Variants in MBIP observed in about 807,000 individuals in gnomAD.
MBIP encodes MAP3K12-binding inhibitory protein 1.
Under a neutral mutation model 45.7 loss-of-function variants are expected in MBIP, and 32 were observed. That is an observed-to-expected ratio of 0.70 (90% CI 0.53 to 0.94). The LOEUF is 0.94. MBIP is among the 40% of genes least tolerant of loss of function. The pLI, the probability that MBIP is intolerant of heterozygous loss-of-function variation, is 0.00. For synonymous variants in MBIP, 145 were observed against 141.0 expected (o/e 1.03, Z -0.20); for missense variants, 381 against 405.5 (o/e 0.94, Z 0.52).
At chr14:36,315,291 T>C (rs1408897426) in intron 2 of MBIP, among the ~76,000 whole-genome samples, 5 of 152,116 alleles carry the variant, frequency 3.3e-5, no homozygotes, top group Non-Finnish European at 5.9e-5. Context: ...TAACATGTCA[T>C]TCAAATGCCT....
intron 6 of MBIP, among the ~76,000 whole-genome samples, chr14:36,310,410 G>C (rs1231411726): frequency 6.6e-6 from 1 of 152,022 alleles, no homozygotes; most frequent in Non-Finnish European, 1.5e-5. Context: ...ATCCTTCAAG[G>C]CCTCAAATGT....
intron 8 of MBIP, 113 bp downstream of exon 8, chr14:36,300,672 A>G: frequency 1.4e-6 from 1 of 718,166 alleles, no homozygotes; most frequent in Non-Finnish European, 2.2e-6. Flanking sequence ...TTCAGTCCTA[A>G]ATTTTACCAG....
intron 1 of MBIP, among the ~76,000 whole-genome samples, chr14:36,317,721 T>C (rs1003774230): frequency 6.6e-6 from 1 of 152,088 alleles, no homozygotes; most frequent in Non-Finnish European, 1.5e-5. Flanking sequence ...TCTAGGGACA[T>C]GTGTTTACAG....
At chr14:36,310,041 G>A (rs1880109622) in intron 6 of MBIP, among the ~76,000 whole-genome samples, 1 of 152,188 alleles carries the variant, frequency 6.6e-6, no homozygotes, top group Non-Finnish European at 1.5e-5. Context: ...AGTATCCCTT[G>A]TGCCTAAAAT....
chr14:36,307,499 A>T (rs1478095240), intron 7 of MBIP, among the ~76,000 whole-genome samples: 1 of 152,180 alleles, frequency 6.6e-6, no homozygotes, highest in Non-Finnish European at 1.5e-5. Flanking sequence ...CATTTTTCTG[A>T]AAAATGTTGA....
chr14:36,311,917 G>T (rs751942106), intron 5 of MBIP, 42 bp downstream of exon 5: 5 of 1,434,792 alleles, frequency 3.5e-6, no homozygotes, highest in Non-Finnish European at 3.8e-6. Flanking sequence ...TAATAATCTA[G>T]ACTTCTGTCA....
intron 7 of MBIP, among the ~76,000 whole-genome samples, chr14:36,304,610 T>C (rs1248842137): frequency 2.0e-5 from 3 of 152,224 alleles, no homozygotes; most frequent in Non-Finnish European, 4.4e-5. Flanking sequence ...TTTCCATGGC[T>C]AATGTGAAGA....
chr14:36,314,870 T>C lies in MBIP; in HGVS notation c.295A>G (p.Thr99Ala). 1 of 1,613,500 alleles carries C rather than the reference T, an allele frequency of 6.2e-7. No individual in the cohort carries two copies. The highest frequency in any genetic ancestry group is 8.5e-7 in the Non-Finnish European group (1 of 1,179,624). The change falls in exon 3 of 9, where the codon ACT becomes GCT. Residue 99 changes from threonine to alanine, a missense_variant. Coordinates refer to ENST00000416007, the MANE Select transcript of MBIP (RefSeq NM_016586.3). ...GTTCTTCCTATCTCTTCAACAGCAG[T>C]TGTATTCTCCTCTTTAATCGGAGAC... Reference protein sequence around the residue: ...LQSPIKEENTTAVEEIGRTEM... With the variant: ...LQSPIKEENTAAVEEIGRTEM...
intron 7 of MBIP, among the ~76,000 whole-genome samples, chr14:36,306,552 C>G (rs940589974): frequency 6.6e-6 from 1 of 152,108 alleles, no homozygotes; most frequent in Non-Finnish European, 1.5e-5. Context: ...GGATTACAGG[C>G]GTGAGCCACT....
chr14:36,299,312 C>T (rs1032504297), intron 8 of MBIP, 122 bp from the exon 9 acceptor site: 2 of 656,768 alleles, frequency 3.0e-6, no homozygotes, highest in Non-Finnish European at 5.3e-6. Flanking sequence ...GTTTTTTTCC[C>T]TCATGAGAAT....
At position 36,311,599 on chromosome 14, in the gene MBIP, A is replaced by G. The variant is rs1043477054; in HGVS notation, c.764T>C (p.Ile255Thr). The change falls in exon 6 of 9, where the codon ATT becomes ACT. Residue 255 changes from isoleucine (I) to threonine (T), a missense_variant. Coordinates refer to ENST00000416007, the MANE Select transcript of MBIP (RefSeq NM_016586.3). ...NQAVEERLQN[I>T]EAHLRLQTGG... ...TGTCTGTAACCGCAAGTGGGCCTCA[A>G]TATTTTGTAGTCGTTCTTCTACAGC... The G allele has an allele frequency of 1.9e-6, 3 of 1,612,590 alleles. No homozygotes were observed. Among genetic ancestry groups the G allele is most frequent in the African/African-American group, 1.3e-5 (1 of 74,844 alleles).
chr14:36,307,652 C>T (rs986384388), intron 7 of MBIP, among the ~76,000 whole-genome samples: 3 of 152,094 alleles, frequency 2.0e-5, no homozygotes, highest in Non-Finnish European at 4.4e-5. Flanking sequence ...AGAGTGGCAG[C>T]TTGAGGTGTG....
intron 7 of MBIP, 66 bp downstream of exon 7, chr14:36,308,026 T>C: frequency 1.1e-6 from 1 of 897,498 alleles, no homozygotes; most frequent in Non-Finnish European, 1.7e-6. Flanking sequence ...TGAGTGACTG[T>C]TAAACCACAA....
intron 6 of MBIP, among the ~76,000 whole-genome samples, chr14:36,309,364 A>G (rs1322211115): frequency 2.6e-5 from 4 of 152,170 alleles, no homozygotes; most frequent in Admixed American, 2.6e-4. Context: ...CCAAGAGGAC[A>G]GAGTTTTATC....
Position 36,314,577 on chromosome 14 carries a change from C to G in MBIP, c.506G>C (p.Arg169Thr). The G allele has an allele frequency of 6.2e-7, 1 of 1,611,446 alleles. No homozygotes were observed. Among genetic ancestry groups the G allele is most frequent in the Non-Finnish European group, 8.5e-7 (1 of 1,179,050 alleles). ...GTTTTCATTGATTTCAGCTTGCTTT[C>G]TTTCAATAAATGCAGATATTCGTCT... ...IDRRISAFIE[R>T]KQAEINENNV... The change falls in exon 4 of 9, where the codon AGA (arginine) becomes ACA (threonine). Residue 169 changes from arginine (R) to threonine (T), a missense_variant. Arg to Thr is a moderately conservative substitution (Grantham distance 71, BLOSUM62 -1). Transcript: ENST00000416007.
intron 8 of MBIP, among the ~76,000 whole-genome samples, chr14:36,300,286 A>C (rs1236269133): frequency 6.6e-6 from 1 of 152,206 alleles, no homozygotes; most frequent in African/African-American, 2.4e-5. Flanking sequence ...CAAGAAAAAA[A>C]TATGCTACTC....
rs758171827 is a variant in MBIP at position 36,311,998 on chromosome 14, T to C, written c.598A>G (p.Ile200Val). ...TTAAATCCGGGGTAAGGGGTAAAAA[T>C]CGCATCAGTTCTTGCACAACTATTT... ...QENSCARTDAIFTPYPGFKSH... is the reference protein window; with the variant it reads ...QENSCARTDAVFTPYPGFKSH... The change falls in exon 5 of 9, where the codon ATT becomes GTT. Residue 200 changes from isoleucine (I) to valine (V), a missense_variant. Transcript: ENST00000416007. 1.9e-6 allele frequency: 3 copies of C among 1,595,896 alleles called. No homozygotes were observed. The highest frequency in any genetic ancestry group is 3.5e-5 in the Admixed American group (2 of 56,866).
chr14:36,302,494 A>T (rs968295185), intron 7 of MBIP, among the ~76,000 whole-genome samples: 7 of 1,372 alleles, frequency 5.1e-3, no homozygotes, highest in African/African-American at 5.4e-3. Flanking sequence ...ACCATCTTAA[A>T]AAAAAAAAAA....
chr14:36,303,092 G>A (rs1214633516), intron 7 of MBIP, among the ~76,000 whole-genome samples: 3 of 152,226 alleles, frequency 2.0e-5, no homozygotes, highest in African/African-American at 7.2e-5. Flanking sequence ...TTCTGAACAT[G>A]TTTTAGGCTA....
Sources: allele counts gnomAD v4.1 joint callset (sites outside exome capture counted in the v4.1 genomes callset), GRCh38; gene constraint gnomAD v4.1.1; transcripts MANE v1.5; gene names NCBI Gene and HGNC (gene_info 2026-07-23, HGNC 2026-07-21).